The following PPP2R2D variants were observed in gnomAD, a reference collection of about 807,000 sequenced individuals.
The protein encoded by PPP2R2D is serine/threonine-protein phosphatase 2A 55 kDa regulatory subunit B delta isoform.
A neutral mutation model predicts 31.1 loss-of-function variants in PPP2R2D; 9 were observed. The ratio of observed to expected loss-of-function variants is 0.29; its 90% CI spans 0.17 to 0.51. The LOEUF is 0.51. Among genes scored for constraint, PPP2R2D ranks in the 20% least tolerant of loss-of-function variants. The pLI is 0.98. For synonymous variants in PPP2R2D, 179 were observed against 172.6 expected (o/e 1.04, Z -0.29); for missense variants, 391 against 465.6 (o/e 0.84, Z 1.48).
At chr10:131,915,012 C>G (rs1304083137) in intron 2 of PPP2R2D, among the ~76,000 whole-genome samples, 1 of 152,066 alleles carries the variant, frequency 6.6e-6, no homozygotes, top group South Asian at 2.1e-4. Context: ...TAGCACCCCA[C>G]CTTCTGTTGT....
chr10:131,935,997 A>G (rs1554896430), intron 3 of PPP2R2D, among the ~76,000 whole-genome samples: 2 of 151,810 alleles, frequency 1.3e-5, no homozygotes, highest in Non-Finnish European at 2.9e-5. Flanking sequence ...CAGGAGGCAG[A>G]GGTTGCGGTG....
chr10:131,901,506 C>G (rs1295989309), intron 2 of PPP2R2D, among the ~76,000 whole-genome samples, 176 bp downstream of exon 2: 5 of 151,684 alleles, frequency 3.3e-5, no homozygotes, highest in African/African-American at 1.2e-4. Context: ...GTCCTCTGTC[C>G]GCTGTCCCGG....
chr10:131,906,146 C>T (rs1362574479), intron 2 of PPP2R2D, among the ~76,000 whole-genome samples: 1 of 152,302 alleles, frequency 6.6e-6, no homozygotes, highest in East Asian at 1.9e-4. Flanking sequence ...ATGACTGCAA[C>T]CTGCTTACCT....
the PPP2R2D span, among the ~76,000 whole-genome samples, chr10:131,965,646 A>C: frequency 6.6e-6 from 1 of 152,120 alleles, no homozygotes; most frequent in African/African-American, 2.4e-5. Flanking sequence ...GGGTTTCACC[A>C]TGTTGGCCAG....
At chr10:131,953,407 TAG>T (rs2036727013) in intron 8 of PPP2R2D, among the ~76,000 whole-genome samples, 1 of 75,164 alleles carries the variant, frequency 1.3e-5, no homozygotes. Flanking sequence ...TTCACTGTCT[TAG>T]CAGTGACTTG....
intron 2 of PPP2R2D, among the ~76,000 whole-genome samples, chr10:131,904,041 T>G (rs1021819154): frequency 1.8e-4 from 27 of 152,026 alleles, no homozygotes; most frequent in Non-Finnish European, 3.1e-4. Context: ...CCATCTCTAC[T>G]AAAAATACAA....
rs1589952353 is a variant in PPP2R2D at position 131,940,623 on chromosome 10, A to C, written c.406A>C (p.Arg136=). The change falls in exon 5 of 9, where the codon AGA becomes CGA. Residue 136 remains arginine (R), a synonymous_variant. Coordinates refer to ENST00000455566, the MANE Select transcript of PPP2R2D (RefSeq NM_018461.5). ...KLWKISERDK[R]AEGYNLKDED... ...ATGGAAAATAAGTGAACGGGATAAA[A>C]GAGCAGAAGGTTATAACCTGAAAGA... The C allele has an allele frequency of 1.3e-6, 1 of 777,170 alleles. No homozygotes were observed. The highest frequency in any genetic ancestry group is 2.4e-5 in the East Asian group (1 of 41,192). The allele number at this position is 777,170 out of a possible 1,614,324, so 48.1% of individuals were successfully genotyped here. A position where few individuals can be genotyped will look rare whatever the true frequency, so the allele number is the denominator to read the frequency against.
chr10:131,957,008 A>ACGTT lies in PPP2R2D; in HGVS notation c.*1046_*1049dup, dbSNP rs1471531114. On this transcript the variant is annotated 3_prime_UTR_variant, in exon 9 of 9. Transcript: ENST00000455566. Reference sequence around the variant, plus strand: ...ATTTTAATTACACGATGCCACCAGTACGTTGGTTTATTTTCAAAGTAGGAT... The same window carrying ACGTT: ...ATTTTAATTACACGATGCCACCAGTACGTTCGTTGGTTTATTTTCAAAGTAGGAT... The ACGTT allele has an allele frequency of 1.3e-5, 2 of 152,312 alleles. No homozygotes were observed. The highest frequency in any genetic ancestry group is 4.8e-5 in the African/African-American group (2 of 41,468). The allele number at this position is 152,312 out of a possible 1,614,324, so 9.4% of individuals were successfully genotyped here.
At chr10:131,906,962 T>G (rs1314938469) in intron 2 of PPP2R2D, among the ~76,000 whole-genome samples, 2 of 151,440 alleles carry the variant, frequency 1.3e-5, no homozygotes, top group African/African-American at 4.8e-5. Context: ...AAAATAATAA[T>G]AATTATATAT....
chr10:131,915,679 C>G (rs1554892966), intron 2 of PPP2R2D, among the ~76,000 whole-genome samples: 1 of 152,218 alleles, frequency 6.6e-6, no homozygotes, highest in Non-Finnish European at 1.5e-5. Context: ...GGAATTGCAG[C>G]TCTGCCGTGG....
rs189974152 is a variant in PPP2R2D, at chr10:131,915,071, G to T, written c.100+13741G>T. Among the ~76,000 whole-genome samples the T allele has an allele frequency of 2.3e-3, 354 of 151,110 alleles. 1 individual carries two copies. Among genetic ancestry groups the T allele is most frequent in the African/African-American group, 8.0e-3 (326 of 40,970 alleles). On this transcript the variant is annotated intron_variant, in intron 2 of 8. Transcript: ENST00000455566. ...TGGTTTTAGGCTGCCATTTTGTCAT[G>T]TTTGAAAATACCTTAAATTTTTTTT...
chr10:131,962,718 G>T (rs974697712), downstream of PPP2R2D, among the ~76,000 whole-genome samples: 1 of 152,198 alleles, frequency 6.6e-6, no homozygotes, highest in African/African-American at 2.4e-5. Context: ...CCTGCACTGG[G>T]CACCAACCCC....
At chr10:131,962,059 T>G (rs1302094761), downstream of PPP2R2D, among the ~76,000 whole-genome samples, 1 of 152,188 alleles carries the variant, frequency 6.6e-6, no homozygotes, top group African/African-American at 2.4e-5. Context: ...GGACTCTGCT[T>G]CTGAGGCTGG....
chr10:131,927,330 C>T (rs1351888003), intron 2 of PPP2R2D, among the ~76,000 whole-genome samples: 1 of 152,010 alleles, frequency 6.6e-6, no homozygotes, highest in African/African-American at 2.4e-5. Context: ...ATGGAGAGGG[C>T]CTGGGAGAAG....
the PPP2R2D span, among the ~76,000 whole-genome samples, chr10:131,966,213 G>T: frequency 1.3e-5 from 2 of 152,218 alleles, no homozygotes; most frequent in Non-Finnish European, 1.5e-5. Flanking sequence ...ACCCTAAGCA[G>T]ATGTGTATGG....
chr10:131,923,022 T>C (rs144764735), intron 2 of PPP2R2D, among the ~76,000 whole-genome samples: 58 of 152,340 alleles, frequency 3.8e-4, no homozygotes, highest in Admixed American at 2.7e-3. Context: ...CTGTAATTCA[T>C]TGAGCACAGA....
intron 2 of PPP2R2D, among the ~76,000 whole-genome samples, chr10:131,932,767 T>G (rs1243520177): frequency 6.6e-6 from 1 of 152,042 alleles, no homozygotes; most frequent in East Asian, 1.9e-4. Flanking sequence ...TAATTTGATG[T>G]TGATAATTTA....
chr10:131,934,403 T>C (rs1589947018), intron 2 of PPP2R2D, 55 bp from the exon 3 acceptor site: 1 of 734,948 alleles, frequency 1.4e-6, no homozygotes, highest in Non-Finnish European at 2.5e-6. Context: ...TTTTTGGTAT[T>C]GTGACTCCTC....
chr10:131,909,252 A>C (rs1276719171), intron 2 of PPP2R2D, among the ~76,000 whole-genome samples: 1 of 152,222 alleles, frequency 6.6e-6, no homozygotes. Context: ...GGCTGGGGCC[A>C]CAGGATGATG....
Sources: gnomAD v4.1 joint callset for allele counts (sites outside exome capture counted in the v4.1 genomes callset) on GRCh38, gnomAD v4.1.1 for gene constraint, MANE v1.5 for transcripts, NCBI Gene and HGNC (gene_info 2026-07-23, HGNC 2026-07-21) for gene names.